The following ZNF717 variants were observed in gnomAD, a reference collection of about 807,000 sequenced individuals.
ZNF717 encodes the protein zinc finger protein 717.
Under a neutral mutation model 13.8 loss-of-function variants are expected in ZNF717, and 9 were observed. That is an observed-to-expected ratio of 0.65 (90% CI 0.39 to 1.14). ZNF717 has a LOEUF of 1.14. Ranked by LOEUF, ZNF717 falls within the 50% of genes most tolerant of loss-of-function variation. The pLI is 0.01. For synonymous variants in ZNF717, 327 were observed against 364.1 expected (o/e 0.90, Z 1.16); for missense variants, 1,040 against 1,080.7 (o/e 0.96, Z 0.53).
chr3:75,754,044 C>T (rs1942244320), intron 2 of ZNF717, among the ~76,000 whole-genome samples: 1 of 152,254 alleles, frequency 6.6e-6, no homozygotes, highest in Admixed American at 6.5e-5. Flanking sequence ...ACATAGGATT[C>T]CTGAACACTG....
At chr3:75,728,154 TAC>T (rs1170574268), downstream of ZNF717, among the ~76,000 whole-genome samples, 2 of 141,926 alleles carry the variant, frequency 1.4e-5, no homozygotes, top group East Asian at 4.2e-4. Flanking sequence ...GTTATGTAAC[TAC>T]ACTTTATGAT....
intron 2 of ZNF717, among the ~76,000 whole-genome samples, chr3:75,768,370 G>C (rs1284644663): frequency 3.6e-5 from 4 of 110,532 alleles, no homozygotes; most frequent in Non-Finnish European, 6.1e-5. Flanking sequence ...TGGGGGGGGG[G>C]GGTAGATGAC....
downstream of ZNF717, among the ~76,000 whole-genome samples, chr3:75,725,834 GAAC>G (rs1364724227): frequency 1.3e-5 from 2 of 152,174 alleles, no homozygotes; most frequent in Non-Finnish European, 2.9e-5. Flanking sequence ...GGAATTATGG[GAAC>G]AACAATTCGA....
intron 6 of ZNF717, among the ~76,000 whole-genome samples, chr3:75,698,322 AAAG>A (rs369414763): frequency 1.3e-5 from 2 of 152,426 alleles, no homozygotes; most frequent in Admixed American, 1.3e-4. Flanking sequence ...CCTAAAAAAA[AAAG>A]CAAGTGTTGA....
chr3:75,773,557 C>T (rs1267810356), intron 2 of ZNF717, among the ~76,000 whole-genome samples: 1 of 152,064 alleles, frequency 6.6e-6, no homozygotes, highest in Non-Finnish European at 1.5e-5. Context: ...CAAAGTGGCT[C>T]ATATCTGTTT....
downstream of ZNF717, among the ~76,000 whole-genome samples, chr3:75,705,310 T>C (rs78920325): frequency 6.6e-6 from 1 of 152,306 alleles, no homozygotes; most frequent in Non-Finnish European, 1.5e-5. Flanking sequence ...AGAAACTAAG[T>C]GGGAGGAAAT....
downstream of ZNF717, among the ~76,000 whole-genome samples, chr3:75,728,121 C>T (rs79488727): frequency 1.1e-4 from 16 of 149,782 alleles, no homozygotes; most frequent in East Asian, 3.9e-4. Context: ...TATGAAAAAA[C>T]ATAAACATAT....
chr3:75,783,556 T>C lies in ZNF717; in HGVS notation c.-2-192A>G, dbSNP rs943770285. Among the ~76,000 whole-genome samples the C allele has an allele frequency of 3.5e-4, 53 of 152,350 alleles. 2 individuals carry two copies. The South Asian group carries it at 3.5e-3, about 10-fold the overall frequency. ...GCAAAGACTCAAGATAAGATACATC[T>C]ACAAGTACATTAATTGGTAGACATT... On this transcript the variant is annotated intron_variant, in intron 1 of 4. Coordinates refer to ENST00000652011, the MANE Select transcript of ZNF717 (RefSeq NM_001290208.3).
downstream of ZNF717, among the ~76,000 whole-genome samples, chr3:75,732,527 G>A (rs76907214): frequency 6.8e-6 from 1 of 146,382 alleles, no homozygotes; most frequent in South Asian, 2.2e-4. Context: ...ACCTGATTGG[G>A]ATTAGTGCAC....
intron 5 of ZNF717, chr3:75,730,708 A>G: frequency 1.5e-6 from 1 of 680,246 alleles, no homozygotes; most frequent in Admixed American, 2.2e-5. Context: ...AAGGATAACA[A>G]GGAACAAGTA....
At chr3:75,764,994 T>TAG (rs1197643625) in intron 2 of ZNF717, among the ~76,000 whole-genome samples, 1 of 24,762 alleles carries the variant, frequency 4.0e-5, no homozygotes, top group African/African-American at 2.2e-4. Context: ...CAAAAGGATA[T>TAG]ATATATATAT....
intron 2 of ZNF717, among the ~76,000 whole-genome samples, chr3:75,777,888 G>A (rs998996981): frequency 1.3e-5 from 2 of 149,116 alleles, no homozygotes; most frequent in Non-Finnish European, 3.0e-5. Context: ...CAATGGGAGT[G>A]ACGTGTTAAA....
chr3:75,705,861 G>C (rs1014849432), downstream of ZNF717, among the ~76,000 whole-genome samples: 532 of 149,296 alleles, frequency 3.6e-3, no homozygotes, highest in East Asian at 0.033. Flanking sequence ...AAATTTAAGA[G>C]GCTAACCTTG....
intron 6 of ZNF717, among the ~76,000 whole-genome samples, chr3:75,702,839 A>G: frequency 6.6e-6 from 1 of 152,312 alleles, no homozygotes; most frequent in Non-Finnish European, 1.5e-5. Flanking sequence ...GGCTTGAACT[A>G]GCTTTTAAGG....
downstream of ZNF717, among the ~76,000 whole-genome samples, chr3:75,705,417 C>T (rs371718790): frequency 6.6e-6 from 1 of 152,376 alleles, no homozygotes; most frequent in African/African-American, 2.4e-5. Flanking sequence ...AGGGATGGCA[C>T]ATAATTGATT....
intron 2 of ZNF717, among the ~76,000 whole-genome samples, chr3:75,772,847 A>C (rs1057030925): frequency 9.9e-5 from 15 of 152,246 alleles, no homozygotes; most frequent in African/African-American, 3.4e-4. Context: ...GGATTCAGTA[A>C]CACTTGTGCC....
At chr3:75,774,817 C>T (rs4974324) in intron 2 of ZNF717, among the ~76,000 whole-genome samples, 25,104 of 151,526 alleles carry the variant, frequency 0.17, 1,973 homozygotes, top group African/African-American at 0.17. Flanking sequence ...GACGGGGTTT[C>T]GCCGTGTTAG....
intron 6 of ZNF717, among the ~76,000 whole-genome samples, chr3:75,701,583 T>A (rs1575711169): frequency 6.6e-6 from 1 of 152,282 alleles, no homozygotes; most frequent in African/African-American, 2.4e-5. Context: ...TCCCAGCTAC[T>A]CAGGAGGCTG....
chr3:75,697,714 T>TA (rs1459665892), intron 6 of ZNF717, among the ~76,000 whole-genome samples: 11 of 151,942 alleles, frequency 7.2e-5, no homozygotes, highest in African/African-American at 2.7e-4. Flanking sequence ...GCTTAATACA[T>TA]AAAATTGGCA....
Sources: allele counts gnomAD v4.1 joint callset (sites outside exome capture counted in the v4.1 genomes callset), GRCh38; gene constraint gnomAD v4.1.1; transcripts MANE v1.5; gene names NCBI Gene and HGNC (gene_info 2026-07-23, HGNC 2026-07-21).